PPP4R1: variants seen among roughly 807,000 people sequenced by gnomAD.
The protein encoded by PPP4R1 is serine/threonine-protein phosphatase 4 regulatory subunit 1.
A neutral mutation model predicts 111.2 loss-of-function variants in PPP4R1; 42 were observed. The observed-to-expected ratio is 0.38, with a 90% CI of 0.29 to 0.49. The LOEUF is 0.49. PPP4R1 is among the 20% of genes least tolerant of loss of function. The pLI is 0.97. For synonymous variants in PPP4R1, 409 were observed against 405.5 expected (o/e 1.01, Z -0.10); for missense variants, 1,012 against 1,161.6 (o/e 0.87, Z 1.87).
chr18:9,606,781 A>G (rs937860805), intron 2 of PPP4R1, among the ~76,000 whole-genome samples: 12 of 152,164 alleles, frequency 7.9e-5, no homozygotes, highest in African/African-American at 2.9e-4. Context: ...AAGATTATGT[A>G]TACAAACAGT....
At chr18:9,613,810 G>C (rs2067628771) in intron 2 of PPP4R1, 1 of 153,764 alleles carries the variant, frequency 6.5e-6, no homozygotes, top group African/African-American at 2.4e-5. Context: ...GCGACTCTAA[G>C]GAAACACACC....
chr18:9,579,187 TA>T (rs1247700880), intron 9 of PPP4R1, among the ~76,000 whole-genome samples: 2 of 152,170 alleles, frequency 1.3e-5, no homozygotes, highest in African/African-American at 2.4e-5. Flanking sequence ...TGTAATTGAG[TA>T]ATTTTCCAAC....
intron 15 of PPP4R1, chr18:9,557,001 A>G (rs2066598537): frequency 2.7e-6 from 1 of 374,372 alleles, no homozygotes; most frequent in East Asian, 5.1e-5. Context: ...TGAAAAAGAA[A>G]AAGATACAAA....
intron 14 of PPP4R1, 86 bp from the exon 15 acceptor site, chr18:9,557,468 T>A: frequency 8.2e-7 from 1 of 1,220,782 alleles, no homozygotes. Context: ...CTAATTTATA[T>A]ATGAATGTTA....
chr18:9,573,352 T>A (rs1000970022), intron 10 of PPP4R1, among the ~76,000 whole-genome samples: 5 of 152,200 alleles, frequency 3.3e-5, no homozygotes, highest in South Asian at 2.1e-4. Flanking sequence ...GAATATCATG[T>A]CTAAAACTTA....
At chr18:9,604,818 AAC>A (rs1394339329) in intron 2 of PPP4R1, among the ~76,000 whole-genome samples, 1 of 152,186 alleles carries the variant, frequency 6.6e-6, no homozygotes, top group African/African-American at 2.4e-5. Flanking sequence ...TTATCTAAAA[AAC>A]AGAGTCCAAT....
chr18:9,607,791 T>C (rs1037220983), intron 2 of PPP4R1, among the ~76,000 whole-genome samples: 2 of 149,300 alleles, frequency 1.3e-5, no homozygotes, highest in Non-Finnish European at 3.0e-5. Flanking sequence ...TTCTTTTTTT[T>C]TTTTTTTTTT....
At chr18:9,552,342 G>T (rs2066502709) in intron 16 of PPP4R1, among the ~76,000 whole-genome samples, 1 of 152,196 alleles carries the variant, frequency 6.6e-6, no homozygotes, top group African/African-American at 2.4e-5. Flanking sequence ...ATACCACAAT[G>T]AAGTGCTGTT....
chr18:9,614,595 G>C (rs1461208608), upstream of PPP4R1: 16 of 697,150 alleles, frequency 2.3e-5, no homozygotes, highest in Non-Finnish European at 2.5e-5. This position sits in a 1 kb window ranked among gnomAD's most constrained non-coding sequence, Gnocchi z 4.1. Context: ...GAGGAGGAGG[G>C]CCGGGCTGGC....
chr18:9,586,412 A>G lies in PPP4R1; in HGVS notation c.586-1584T>C, dbSNP rs189152619. Among the ~76,000 whole-genome samples the G allele has an allele frequency of 2.1e-3, 317 of 152,264 alleles. 2 individuals are homozygous for G. Among genetic ancestry groups the G allele is most frequent in the African/African-American group, 6.9e-3 (287 of 41,580 alleles). On this transcript the variant is annotated intron_variant, in intron 6 of 19. Coordinates refer to ENST00000400556, the MANE Select transcript of PPP4R1 (RefSeq NM_001042388.3). ...TGATTTCCTTCATTGCAAAAATCCT[A>G]AAGTGAAAAAAGAAATAATGATGTT... is the stretch of plus-strand genomic sequence containing the variant.
chr18:9,593,964 G>T, intron 3 of PPP4R1, 90 bp from the exon 4 acceptor site: 1 of 998,920 alleles, frequency 1.0e-6, no homozygotes, highest in Non-Finnish European at 1.5e-6. Context: ...CCTCATTCCT[G>T]TTGCCCAGGC....
intron 6 of PPP4R1, 103 bp from the exon 7 acceptor site, chr18:9,584,931 T>A: frequency 1.1e-6 from 1 of 921,192 alleles, no homozygotes. Flanking sequence ...TAAAATATGA[T>A]ATGGCATCAT....
In PPP4R1 at chr18:9,553,188, A is replaced by C; in HGVS notation, c.2291+134T>G. On this transcript the variant is annotated intron_variant, in intron 16 of 19. Transcript: ENST00000400556. The stretch of plus-strand genomic sequence containing the variant: ...TCACTGACAGTAAGACACATATTAC[A>C]GGAAGCGTTAAAGGGCTAGAATACC... 7.6e-6 allele frequency: 5 copies of C among 656,832 alleles called. No individual in the cohort carries two copies. In the South Asian group the frequency reaches 9.6e-5, roughly 13 times the overall value. The allele number at this position is 656,832 out of a possible 1,614,324, so 40.7% of individuals were successfully genotyped here. A position where few individuals can be genotyped will look rare whatever the true frequency, so the allele number is the denominator to read the frequency against.
At chr18:9,588,936 G>A in intron 4 of PPP4R1, 83 bp from the exon 5 acceptor site, 1 of 1,490,312 alleles carries the variant, frequency 6.7e-7, no homozygotes, top group Non-Finnish European at 9.0e-7. Context: ...ACTTAGGAAG[G>A]CTATGGACTT....
intron 2 of PPP4R1, among the ~76,000 whole-genome samples, chr18:9,602,686 C>T (rs1035058991): frequency 2.6e-5 from 4 of 151,982 alleles, no homozygotes; most frequent in Non-Finnish European, 4.4e-5. Flanking sequence ...ATGGTGAAAT[C>T]CCATCTCTTC....
chr18:9,567,801 C>T (rs755480475), intron 11 of PPP4R1, among the ~76,000 whole-genome samples: 55 of 152,132 alleles, frequency 3.6e-4, no homozygotes, highest in Admixed American at 1.3e-3. Flanking sequence ...AGCTTCCACG[C>T]TGTTTTATTT....
At chr18:9,597,824 A>G (rs2067314211) in intron 2 of PPP4R1, among the ~76,000 whole-genome samples, 1 of 152,226 alleles carries the variant, frequency 6.6e-6, no homozygotes, top group South Asian at 2.1e-4. Context: ...TAGGCACACA[A>G]AAGGCAGGAA....
chr18:9,604,709 A>C (rs1017642174), intron 2 of PPP4R1, among the ~76,000 whole-genome samples: 2 of 152,060 alleles, frequency 1.3e-5, no homozygotes, highest in Non-Finnish European at 2.9e-5. Context: ...CAATAATTGC[A>C]AAGTATTTTT....
intron 4 of PPP4R1, chr18:9,590,157 T>C (rs962153259): frequency 1.3e-5 from 2 of 152,190 alleles, no homozygotes; most frequent in Non-Finnish European, 2.9e-5. Context: ...CTGATACCCA[T>C]TATTATTATG....
Sources: allele counts gnomAD v4.1 joint callset (sites outside exome capture counted in the v4.1 genomes callset), GRCh38; gene constraint gnomAD v4.1.1; non-coding constraint Gnocchi (gnomAD v3.1); transcripts MANE v1.5; gene names NCBI Gene and HGNC (gene_info 2026-07-23, HGNC 2026-07-21).